Variants in HTATIP2 observed in about 807,000 individuals in gnomAD.
HTATIP2 encodes protein HTATIP2.
In HTATIP2, 26 loss-of-function variants were observed where a neutral mutation model predicts 24.7. The ratio of observed to expected loss-of-function variants is 1.05; its 90% confidence interval spans 0.77 to 1.46. HTATIP2 has a LOEUF of 1.46. HTATIP2 is among the 40% of genes most tolerant of loss of function. The probability of loss-of-function intolerance (pLI) is 0.00; values close to 1 mark genes in which losing one functional copy is unlikely to be tolerated. For synonymous variants in HTATIP2, 99 were observed against 113.2 expected (o/e 0.87, Z 0.79); for missense variants, 284 against 289.6 (o/e 0.98, Z 0.14).
chr11:20,376,419 C>A (rs188492287), intron 2 of HTATIP2, 161 bp from the exon 3 acceptor site: 7 of 745,034 alleles, frequency 9.4e-6, no homozygotes, highest in Admixed American at 2.7e-5. Context: ...AGACCTGGAG[C>A]CTTTCCCAGG....
At chr11:20,367,931 G>A (rs183156527) in intron 2 of HTATIP2, among the ~76,000 whole-genome samples, 1 of 152,220 alleles carries the variant, frequency 6.6e-6, no homozygotes, top group East Asian at 1.9e-4. Flanking sequence ...TTTACTACCT[G>A]GATTCTGGGC....
At chr11:20,367,932 G>A (rs945691331) in intron 2 of HTATIP2, among the ~76,000 whole-genome samples, 3 of 152,126 alleles carry the variant, frequency 2.0e-5, no homozygotes, top group Non-Finnish European at 4.4e-5. Flanking sequence ...TTACTACCTG[G>A]ATTCTGGGCA....
At chr11:20,364,524 G>T in intron 1 of HTATIP2, 92 bp downstream of exon 1, 1 of 1,143,624 alleles carries the variant, frequency 8.7e-7, no homozygotes, top group African/African-American at 1.6e-5. Context: ...CCCTGCCAGT[G>T]GTGGGGGTAG....
intron 2 of HTATIP2, chr11:20,367,726 A>G: frequency 1.0e-6 from 1 of 993,622 alleles, no homozygotes; most frequent in Middle Eastern, 4.8e-4. Context: ...GGAATAGAAC[A>G]TCAGAACACA....
At chr11:20,376,763 T>C (rs1359407148) in intron 3 of HTATIP2, 46 bp downstream of exon 3, 4 of 1,463,254 alleles carry the variant, frequency 2.7e-6, no homozygotes, top group Non-Finnish European at 1.9e-6. Context: ...GAACCCTAGC[T>C]ATTTGGCAGT....
At chr11:20,378,580 G>T (rs980590554) in intron 3 of HTATIP2, among the ~76,000 whole-genome samples, 2 of 152,168 alleles carry the variant, frequency 1.3e-5, no homozygotes, top group African/African-American at 2.4e-5. Flanking sequence ...ATATACATAA[G>T]ATATTTCCTC....
Position 20,363,871 on chromosome 11 carries a change from C to A in HTATIP2, c.-367C>A. On this transcript the variant is annotated 5_prime_UTR_variant, in exon 1 of 5. Transcript: ENST00000451739. ...CGGCTGCTCTGGCGGCCGCCCTGCT[C>A]CTGCTGCGTCGTGAGGACCCGGGGC... 8.0e-7 allele frequency: 1 copy of A among 1,244,258 alleles called. No homozygotes were observed. Among genetic ancestry groups the A allele is most frequent in the South Asian group, 4.0e-5 (1 of 25,132 alleles). 77.1% of individuals were successfully genotyped at this position (1,244,258 alleles called of 1,614,324 possible).
At position 20,363,862 on chromosome 11, in the gene HTATIP2, C is replaced by T; in HGVS notation, c.-376C>T. 5 of 1,244,018 alleles carry T rather than the reference C, an allele frequency of 4.0e-6. No homozygotes were observed. Among genetic ancestry groups the T allele is most frequent in the East Asian group, 3.1e-5 (1 of 31,756 alleles). 77.1% of individuals were successfully genotyped at this position (1,244,018 alleles called of 1,614,324 possible). On this transcript the variant is annotated 5_prime_UTR_variant, in exon 1 of 5. Transcript: ENST00000451739. ...CGGCGGCGGCGGCTGCTCTGGCGGC[C>T]GCCCTGCTCCTGCTGCGTCGTGAGG...
At chr11:20,370,871 G>A (rs972817795) in intron 2 of HTATIP2, among the ~76,000 whole-genome samples, 8 of 152,124 alleles carry the variant, frequency 5.3e-5, no homozygotes, top group South Asian at 4.1e-4. Context: ...GGATGGTCTC[G>A]ATCTCCTGAC....
At position 20,377,875 on chromosome 11, in the gene HTATIP2, C is replaced by T. The variant is rs565833890; in HGVS notation, c.441+1158C>T. On this transcript the variant is annotated intron_variant, in intron 3 of 4. Transcript: ENST00000451739. The stretch of plus-strand genomic sequence containing the variant: ...TTTAAGACATTTGGAGATTATGACC[C>T]CCTTAATTGTATGTTTCCCAGGCAT... Among the ~76,000 whole-genome samples the T allele has an allele frequency of 4.9e-4, 74 of 152,180 alleles. 1 individual carries two copies. The South Asian group carries it at 0.015, about 32-fold the overall frequency.
chr11:20,377,821 A>G (rs182502330), intron 3 of HTATIP2, among the ~76,000 whole-genome samples: 7 of 152,382 alleles, frequency 4.6e-5, no homozygotes, highest in Admixed American at 3.9e-4. Flanking sequence ...TAACAAAAAT[A>G]CGTCCAGTCT....
At chr11:20,369,360 CTG>C (rs2064746754) in intron 2 of HTATIP2, among the ~76,000 whole-genome samples, 1 of 152,186 alleles carries the variant, frequency 6.6e-6, no homozygotes, top group Non-Finnish European at 1.5e-5. Flanking sequence ...CCTTAGCAGT[CTG>C]TGTTTCCAGC....
intron 2 of HTATIP2, chr11:20,367,555 T>C: frequency 2.8e-6 from 4 of 1,415,324 alleles, no homozygotes; most frequent in Non-Finnish European, 3.7e-6. Flanking sequence ...TATCACTACA[T>C]CCCCTGACTA....
intron 2 of HTATIP2, 41 bp from the exon 3 acceptor site, chr11:20,376,539 T>G (rs780136088): frequency 6.2e-7 from 1 of 1,612,012 alleles, no homozygotes; most frequent in African/African-American, 1.3e-5. Flanking sequence ...AAGATGAACT[T>G]GCTGCTTTTT....
At chr11:20,364,881 T>C (rs1323764681) in intron 1 of HTATIP2, among the ~76,000 whole-genome samples, 1 of 152,174 alleles carries the variant, frequency 6.6e-6, no homozygotes, top group Non-Finnish European at 1.5e-5. Context: ...GATAGGTCTA[T>C]GGCAGTGAAA....
At chr11:20,364,732 G>C (rs932386803) in intron 1 of HTATIP2, among the ~76,000 whole-genome samples, 1 of 152,176 alleles carries the variant, frequency 6.6e-6, no homozygotes, top group Non-Finnish European at 1.5e-5. Flanking sequence ...GAAGAGCACT[G>C]TTTTCAGGGT....
In HTATIP2 at chr11:20,372,703, T is replaced by C. The variant is rs549477200; in HGVS notation, c.304-3877T>C. On this transcript the variant is annotated intron_variant, in intron 2 of 4. Transcript: ENST00000451739. The stretch of plus-strand genomic sequence containing the variant: ...AAACTAAGTACAGTTTTTCTAAAAA[T>C]TGTGTTTCTGAGATATGAAATAGCT... Among the ~76,000 whole-genome samples the C allele has an allele frequency of 2.0e-5, 3 of 152,320 alleles. No homozygotes were observed. The East Asian group carries it at 5.8e-4, about 29-fold the overall frequency.
chr11:20,371,016 A>G (rs1462191411), intron 2 of HTATIP2, among the ~76,000 whole-genome samples: 1 of 152,176 alleles, frequency 6.6e-6, no homozygotes, highest in Non-Finnish European at 1.5e-5. Context: ...AAAAACTTCA[A>G]ATTTTAGTCT....
At chr11:20,365,103 CCTCCCGAGTAA>C (rs1161728785) in intron 1 of HTATIP2, among the ~76,000 whole-genome samples, 1 of 151,836 alleles carries the variant, frequency 6.6e-6, no homozygotes, top group African/African-American at 2.4e-5. Context: ...TCTGCCTCAG[CCTCCCGAGTAA>C]CTGGAACTAC....
Sources: gnomAD v4.1 joint callset for allele counts (sites outside exome capture counted in the v4.1 genomes callset) on GRCh38, gnomAD v4.1.1 for gene constraint, MANE v1.5 for transcripts, NCBI Gene and HGNC (gene_info 2026-07-23, HGNC 2026-07-21) for gene names.